Variants in TMEM38B observed in about 807,000 individuals in gnomAD.
TMEM38B encodes the protein transmembrane protein 38B.
In TMEM38B, 24 loss-of-function variants were observed where a neutral mutation model predicts 28.7. The ratio of observed to expected loss-of-function variants is 0.84; its 90% CI spans 0.61 to 1.18. The LOEUF is 1.18. Ranked by LOEUF, TMEM38B falls within the 50% of genes most tolerant of loss-of-function variation. The pLI, the probability that TMEM38B is intolerant of heterozygous loss-of-function variation, is 0.00. For synonymous variants in TMEM38B, 131 were observed against 127.7 expected (o/e 1.03, Z -0.17); for missense variants, 380 against 350.9 (o/e 1.08, Z -0.66).
At chr9:105,760,221 A>G in intron 5 of TMEM38B, 1 of 878,534 alleles carries the variant, frequency 1.1e-6, no homozygotes, top group East Asian at 2.4e-5. Context: ...ATATGTCCAA[A>G]CTTCATGATG....
intron 5 of TMEM38B, among the ~76,000 whole-genome samples, chr9:105,753,827 A>G (rs568419878): frequency 6.6e-6 from 1 of 152,318 alleles, no homozygotes; most frequent in South Asian, 2.1e-4. Flanking sequence ...ACTAACCTTA[A>G]ATATAAATGG....
At chr9:105,719,395 T>C (rs1294356129) in intron 2 of TMEM38B, among the ~76,000 whole-genome samples, 1 of 152,186 alleles carries the variant, frequency 6.6e-6, no homozygotes, top group African/African-American at 2.4e-5. Flanking sequence ...GGTGAAATTA[T>C]GTTTACAGAA....
At chr9:105,744,258 T>A (rs1380921308) in intron 4 of TMEM38B, among the ~76,000 whole-genome samples, 2 of 152,014 alleles carry the variant, frequency 1.3e-5, no homozygotes. Flanking sequence ...AAGATAATCC[T>A]GAATAACTTG....
chr9:105,735,952 G>A (rs977513780), intron 4 of TMEM38B, among the ~76,000 whole-genome samples: 4 of 152,024 alleles, frequency 2.6e-5, no homozygotes, highest in African/African-American at 7.2e-5. Flanking sequence ...CTGTAATCTC[G>A]AACTCTTGGG....
chr9:105,733,029 T>C (rs1316961752), intron 4 of TMEM38B, among the ~76,000 whole-genome samples: 1 of 152,138 alleles, frequency 6.6e-6, no homozygotes, highest in Non-Finnish European at 1.5e-5. Flanking sequence ...TCAGTTTCCA[T>C]GTAGTTGTGC....
At chr9:105,766,061 A>G (rs2133648180) in intron 5 of TMEM38B, among the ~76,000 whole-genome samples, 1 of 152,292 alleles carries the variant, frequency 6.6e-6, no homozygotes, top group South Asian at 2.1e-4. Flanking sequence ...TCGGCCTCCC[A>G]GTGCTGGAAT....
chr9:105,758,347 C>T (rs1171630008), intron 5 of TMEM38B: 4 of 921,538 alleles, frequency 4.3e-6, no homozygotes, highest in Admixed American at 1.7e-5. Flanking sequence ...CCTGGTATGG[C>T]GATCTTACAT....
chr9:105,751,435 C>G (rs559365555), intron 5 of TMEM38B, among the ~76,000 whole-genome samples: 2 of 152,328 alleles, frequency 1.3e-5, no homozygotes, highest in East Asian at 1.9e-4. Flanking sequence ...CCAATACACA[C>G]AGCTGTGTGG....
chr9:105,768,491 T>G (rs910600679), intron 5 of TMEM38B, among the ~76,000 whole-genome samples: 1 of 152,132 alleles, frequency 6.6e-6, no homozygotes, highest in African/African-American at 2.4e-5. Flanking sequence ...TTTGATATTA[T>G]TTATTGGTAA....
chr9:105,731,299 TTATTA>T (rs1231146179), intron 4 of TMEM38B, among the ~76,000 whole-genome samples: 47 of 97,680 alleles, frequency 4.8e-4, no homozygotes, highest in African/African-American at 3.0e-3. Flanking sequence ...AACATCTTTA[TTATTA>T]TTATTATTAT....
chr9:105,710,332 AG>A, intron 2 of TMEM38B: 1 of 698,174 alleles, frequency 1.4e-6, no homozygotes, highest in South Asian at 1.6e-5. Context: ...GTGGTCTTCC[AG>A]CCAGTCTATT....
rs1440434565 is a variant in TMEM38B, at chr9:105,759,392, A to G, written c.660+11202A>G. On this transcript the variant is annotated intron_variant, in intron 5 of 5. Transcript: ENST00000374692. ...TTCATAGAGAAAAAAGAAGAATAAG[A>G]TTCTACTGAGAGACTACGGATAAGC... The G allele has an allele frequency of 1.1e-5, 16 of 1,469,140 alleles. No homozygotes were observed. In the South Asian group the frequency reaches 2.0e-4, roughly 18 times the overall value. The allele number at this position is 1,469,140 out of a possible 1,614,324, so 91.0% of individuals were successfully genotyped here.
chr9:105,714,662 G>A (rs1326835768), intron 2 of TMEM38B, among the ~76,000 whole-genome samples: 1 of 151,980 alleles, frequency 6.6e-6, no homozygotes, highest in Non-Finnish European at 1.5e-5. Flanking sequence ...TTTTCATATC[G>A]AAGCTCAAAT....
chr9:105,725,488 G>A (rs1276457951), intron 4 of TMEM38B, among the ~76,000 whole-genome samples: 2 of 151,446 alleles, frequency 1.3e-5, no homozygotes, highest in Admixed American at 6.6e-5. Flanking sequence ...GTTGCTTAAC[G>A]ATGGGGATAT....
chr9:105,700,786 A>C (rs762995385), intron 1 of TMEM38B, among the ~76,000 whole-genome samples: 1 of 152,172 alleles, frequency 6.6e-6, no homozygotes, highest in Non-Finnish European at 1.5e-5. Context: ...GAGTTTTGCA[A>C]TATCTTTATG....
intron 2 of TMEM38B, among the ~76,000 whole-genome samples, chr9:105,714,858 A>G (rs982465382): frequency 2.0e-5 from 3 of 152,216 alleles, no homozygotes; most frequent in Non-Finnish European, 4.4e-5. Flanking sequence ...TTTGAGTGCT[A>G]GAGACGCTCA....
intron 5 of TMEM38B, among the ~76,000 whole-genome samples, chr9:105,764,596 T>C (rs1393551823): frequency 2.6e-5 from 4 of 151,964 alleles, no homozygotes; most frequent in Non-Finnish European, 4.4e-5. Flanking sequence ...TACAAACAAA[T>C]GGAAGAACAT....
At chr9:105,731,087 T>G (rs1836724833) in intron 4 of TMEM38B, among the ~76,000 whole-genome samples, 2 of 152,110 alleles carry the variant, frequency 1.3e-5, no homozygotes, top group African/African-American at 4.8e-5. Flanking sequence ...TGATCTTAGT[T>G]ATTTCTTGCC....
rs1049039879 is a variant in TMEM38B at position 105,721,647 on chromosome 9, T to C, written c.380T>C (p.Val127Ala). Residue 127 changes from valine to alanine, a missense_variant, in exon 3 of 6, where the codon GTA (valine) becomes GCA (alanine). Transcript: ENST00000374692. ...GAAGTGACCAGAACTTGGAAAATAG[T>C]AGGTGGAGTCACACATGCTAATAGC... is the stretch of plus-strand genomic sequence containing the variant. The part of the protein sequence containing the change: ...MKEVTRTWKI[V>A]GGVTHANSYY... 5.6e-6 allele frequency: 9 copies of C among 1,613,350 alleles called. No homozygotes were observed. Among genetic ancestry groups the C allele is most frequent in the Non-Finnish European group, 8.5e-7 (1 of 1,179,536 alleles).
Sources: allele counts gnomAD v4.1 joint callset (sites outside exome capture counted in the v4.1 genomes callset), GRCh38; gene constraint gnomAD v4.1.1; transcripts MANE v1.5; gene names NCBI Gene and HGNC (gene_info 2026-07-23, HGNC 2026-07-21).